ADGB: variants seen among roughly 807,000 people sequenced by gnomAD.
The protein encoded by ADGB is calpain-7-like protein.
In ADGB, 172 loss-of-function variants were observed where a neutral mutation model predicts 210.5. That is an observed-to-expected ratio of 0.82 (90% confidence interval 0.72 to 0.93). The LOEUF (loss-of-function observed/expected upper bound fraction) is 0.93, where lower values mean the gene tolerates loss of function less well. Among genes scored for constraint, ADGB ranks in the 40% least tolerant of loss-of-function variants. The pLI, the probability that ADGB is intolerant of heterozygous loss-of-function variation, is 0.00. For synonymous variants in ADGB, 658 were observed against 662.7 expected, an observed-to-expected ratio of 0.99 and a Z score of 0.11; for missense variants, 2,025 against 1,964.8, an observed-to-expected ratio of 1.03 and a Z score of -0.58.
At position 146,751,180 on chromosome 6, in the gene ADGB, T is replaced by C. The variant is rs562719411; in HGVS notation, c.3366-1350T>C. Among the ~76,000 whole-genome samples the C allele has an allele frequency of 2.7e-4, 38 of 141,942 alleles. No individual in the cohort carries two copies. In the South Asian group the frequency reaches 8.5e-3, roughly 32 times the overall value. 93.1% of individuals were successfully genotyped at this position (141,942 alleles called of 152,430 possible). On this transcript the variant is annotated intron_variant, in intron 26 of 35. Coordinates refer to ENST00000397944, the MANE Select transcript of ADGB (RefSeq NM_024694.4). ...AGTAAGTGTTGTTCCCCTCCCTGTG[T>C]CCATGTGTTCTCATTGTTCAGCTCC... is the stretch of plus-strand genomic sequence containing the variant.
intron 35 of ADGB, chr6:146,803,433 C>T (rs1778161769): frequency 6.2e-7 from 1 of 1,606,420 alleles, no homozygotes; most frequent in Non-Finnish European, 8.5e-7. Flanking sequence ...ACAGCCCCCA[C>T]CTTCCAGGGG....
intron 23 of ADGB, among the ~76,000 whole-genome samples, chr6:146,738,302 T>G (rs959489394): frequency 6.6e-6 from 1 of 152,144 alleles, no homozygotes; most frequent in African/African-American, 2.4e-5. Context: ...CATGTGGAAC[T>G]TTGAGGTTCT....
At chr6:146,756,643 T>G (rs1162741480) in intron 27 of ADGB, among the ~76,000 whole-genome samples, 1 of 152,050 alleles carries the variant, frequency 6.6e-6, no homozygotes. Flanking sequence ...TAAACATAAT[T>G]TCCATCCTCC....
rs1034288702 is a variant in ADGB at position 146,654,296 on chromosome 6, C to T, written c.402+90C>T. On this transcript the variant is annotated intron_variant, in intron 4 of 35. Transcript: ENST00000397944. The stretch of plus-strand genomic sequence containing the variant: ...CCCAGACAGTCGATTTCAACTCTCC[C>T]TTGCTCACCTTTAAGTTTTGGTATT... The T allele has an allele frequency of 3.1e-5, 23 of 736,138 alleles. No homozygotes were observed. In the East Asian group the frequency reaches 3.6e-4, roughly 12 times the overall value. The allele number at this position is 736,138 out of a possible 1,614,324, so 45.6% of individuals were successfully genotyped here.
intron 3 of ADGB, among the ~76,000 whole-genome samples, chr6:146,652,845 G>T (rs79651962): frequency 6.6e-6 from 1 of 151,980 alleles, no homozygotes; most frequent in African/African-American, 2.4e-5. Context: ...CCTATCAGAC[G>T]TTAACTAAGT....
chr6:146,649,604 C>T (rs1391209664), intron 3 of ADGB, among the ~76,000 whole-genome samples: 1 of 151,776 alleles, frequency 6.6e-6, no homozygotes, highest in African/African-American at 2.4e-5. Context: ...GGTCCTTCCA[C>T]CTTAGCCTCC....
At chr6:146,781,802 G>A (rs1013363111) in intron 29 of ADGB, among the ~76,000 whole-genome samples, 6 of 152,076 alleles carry the variant, frequency 3.9e-5, no homozygotes, top group African/African-American at 9.7e-5. Context: ...CAAAGCCTGC[G>A]GGTTCATCCA....
In ADGB at chr6:146,740,549, G is replaced by C; in HGVS notation, c.2979G>C (p.Val993=). 6.4e-7 allele frequency: 1 copy of C among 1,550,800 alleles called. No individual in the cohort carries two copies. The highest frequency in any genetic ancestry group is 8.7e-7 in the Non-Finnish European group (1 of 1,146,540). Residue 993 remains valine, a synonymous_variant, in exon 24 of 36, where the codon GTG becomes GTC. Coordinates refer to ENST00000397944, the MANE Select transcript of ADGB (RefSeq NM_024694.4). ...ETKIAFADYT[V]TYQEQPPNSW... ...AGATTGCTTTTGCAGATTATACTGT[G>C]ACTTATCAAGAACAGCCACCAAATT...
Position 146,692,891 on chromosome 6 carries a change from C to A in ADGB, c.1553C>A (p.Thr518Asn). The A allele has an allele frequency of 6.5e-7, 1 of 1,531,514 alleles. No individual in the cohort carries two copies. The highest frequency in any genetic ancestry group is 8.8e-7 in the Non-Finnish European group (1 of 1,132,060). 94.9% of individuals were successfully genotyped at this position (1,531,514 alleles called of 1,614,324 possible). ...AGTCCATTTTTGAATTATAGAATGA[C>A]TCCATTTACAATTCCAACAGAAATG... ...ISSPFLNYRM[T>N]PFTIPTEMHF... The change falls in exon 12 of 36, where the codon ACT (threonine) becomes AAT (asparagine). Residue 518 changes from threonine (T) to asparagine (N), a missense_variant. By Grantham distance (65) the Thr-to-Asn change is moderately conservative. Coordinates refer to ENST00000397944, the MANE Select transcript of ADGB (RefSeq NM_024694.4).
chr6:146,756,375 C>T (rs1269189356), intron 27 of ADGB, among the ~76,000 whole-genome samples: 2 of 152,112 alleles, frequency 1.3e-5, no homozygotes, highest in African/African-American at 4.8e-5. Context: ...GTTTTGATCA[C>T]TAACGTCGGG....
At chr6:146,603,262 A>G (rs1780585952) in intron 1 of ADGB, among the ~76,000 whole-genome samples, 1 of 152,256 alleles carries the variant, frequency 6.6e-6, no homozygotes, top group African/African-American at 2.4e-5. Context: ...AATAAGTGCT[A>G]CAAAGATTCA....
intron 16 of ADGB, among the ~76,000 whole-genome samples, chr6:146,719,117 C>A (rs1776777858): frequency 6.6e-6 from 1 of 152,144 alleles, no homozygotes; most frequent in Non-Finnish European, 1.5e-5. Flanking sequence ...ATAGCAAACC[C>A]TGTGAAAGAG....
At position 146,653,692 on chromosome 6, in the gene ADGB, G is replaced by A. The variant is rs372470999; in HGVS notation, c.331-443G>A. ...AATCTGTACAACAAACCCCCATGAC[G>A]TAAGTTTACCTATGTAACAAACCCA... On this transcript the variant is annotated intron_variant, in intron 3 of 35. Transcript: ENST00000397944. Among the ~76,000 whole-genome samples, 12 of 151,974 alleles carry A rather than the reference G, an allele frequency of 7.9e-5. No individual in the cohort carries two copies. In the East Asian group the frequency reaches 1.9e-3, roughly 25 times the overall value.
chr6:146,779,542 A>G (rs1305141947), intron 29 of ADGB, among the ~76,000 whole-genome samples: 4 of 152,190 alleles, frequency 2.6e-5, no homozygotes, highest in African/African-American at 9.7e-5. Context: ...CTCTAAAGCA[A>G]GGAATCTTAA....
chr6:146,779,987 T>G (rs1251751629), intron 29 of ADGB, among the ~76,000 whole-genome samples: 1 of 151,858 alleles, frequency 6.6e-6, no homozygotes, highest in Non-Finnish European at 1.5e-5. Context: ...TCACTCTGTA[T>G]TCTCCTGATT....
chr6:146,762,276 A>C (rs1176263012), intron 27 of ADGB, among the ~76,000 whole-genome samples: 1 of 152,058 alleles, frequency 6.6e-6, no homozygotes, highest in East Asian at 1.9e-4. Context: ...CAAGTTTACT[A>C]ATCTTTTCTT....
At chr6:146,796,922 G>A (rs1778052480) in intron 33 of ADGB, among the ~76,000 whole-genome samples, 1 of 152,156 alleles carries the variant, frequency 6.6e-6, no homozygotes, top group Non-Finnish European at 1.5e-5. Context: ...CACAGAGTGG[G>A]AGAAATTCTT....
At chr6:146,630,201 C>T (rs750617618) in intron 1 of ADGB, among the ~76,000 whole-genome samples, 5 of 152,116 alleles carry the variant, frequency 3.3e-5, no homozygotes, top group African/African-American at 1.2e-4. Context: ...CGCACCATTG[C>T]ACTCCAGCCT....
intron 17 of ADGB, 33 bp downstream of exon 17, chr6:146,721,538 A>G: frequency 2.7e-6 from 2 of 737,920 alleles, no homozygotes; most frequent in Non-Finnish European, 3.9e-6. Context: ...ATAGCCTTAA[A>G]GCCTAGATCA....
Sources: gnomAD v4.1 joint callset for allele counts (sites outside exome capture counted in the v4.1 genomes callset) on GRCh38, gnomAD v4.1.1 for gene constraint, MANE v1.5 for transcripts, NCBI Gene and HGNC (gene_info 2026-07-23, HGNC 2026-07-21) for gene names.